AK9: variants seen among roughly 807,000 people sequenced by gnomAD.
AK9 encodes adenylate kinase 9, also known as adenylate kinase domain containing 1.
AK9 carries 191 observed loss-of-function variants against 239.6 expected under a neutral mutation model. The ratio of observed to expected loss-of-function variants is 0.80; its 90% CI spans 0.71 to 0.90. The LOEUF is 0.90. AK9 is among the 40% of genes least tolerant of loss of function. The pLI, the probability that AK9 is intolerant of heterozygous loss-of-function variation, is 0.00. For synonymous variants in AK9, 689 were observed against 721.0 expected, an observed-to-expected ratio of 0.96 and a Z score of 0.71; for missense variants, 1,995 against 2,214.7, an observed-to-expected ratio of 0.90 and a Z score of 1.99.
intron 19 of AK9, among the ~76,000 whole-genome samples, chr6:109,580,443 C>T (rs1788684733): frequency 6.6e-6 from 1 of 151,996 alleles, no homozygotes; most frequent in Admixed American, 6.6e-5. Flanking sequence ...TACTACTGCA[C>T]AAAGAAACAC....
intron 32 of AK9, among the ~76,000 whole-genome samples, chr6:109,512,377 TG>T (rs1486370849): frequency 6.6e-6 from 1 of 152,172 alleles, no homozygotes; most frequent in African/African-American, 2.4e-5. Context: ...CCAGAAACCC[TG>T]GGGGCTGCTG....
intron 26 of AK9, among the ~76,000 whole-genome samples, chr6:109,544,835 T>G (rs1172637003): frequency 6.6e-6 from 1 of 152,234 alleles, no homozygotes; most frequent in East Asian, 1.9e-4. Context: ...CAGATTTTTA[T>G]GCTATTTGAT....
chr6:109,689,399 A>C (rs1583600184), intron 1 of AK9, among the ~76,000 whole-genome samples: 1 of 152,180 alleles, frequency 6.6e-6, no homozygotes, highest in Admixed American at 6.5e-5. Flanking sequence ...AAATGTTAGC[A>C]TGTGCGACTT....
intron 25 of AK9, among the ~76,000 whole-genome samples, chr6:109,549,358 T>C (rs146055847): frequency 2.6e-5 from 4 of 152,274 alleles, no homozygotes; most frequent in African/African-American, 4.8e-5. Flanking sequence ...CTTACTTCCA[T>C]AGATGTCAAC....
intron 12 of AK9, among the ~76,000 whole-genome samples, chr6:109,628,524 A>T (rs566934439): frequency 6.6e-6 from 1 of 152,304 alleles, no homozygotes; most frequent in South Asian, 2.1e-4. Flanking sequence ...TCACGTTAGG[A>T]GGGTTAGTTC....
At chr6:109,648,395 A>G (rs991974389) in intron 8 of AK9, among the ~76,000 whole-genome samples, 1 of 152,186 alleles carries the variant, frequency 6.6e-6, no homozygotes. Flanking sequence ...ACAATAAAAA[A>G]TGATAAAGGG....
intron 35 of AK9, among the ~76,000 whole-genome samples, chr6:109,506,083 C>T (rs1352990059): frequency 1.3e-5 from 2 of 152,142 alleles, no homozygotes; most frequent in African/African-American, 2.4e-5. Context: ...AAGGCCCCAC[C>T]TCTTAATACT....
intron 17 of AK9, among the ~76,000 whole-genome samples, chr6:109,593,478 G>T (rs553316689): frequency 2.6e-5 from 4 of 151,834 alleles, no homozygotes; most frequent in African/African-American, 9.7e-5. Context: ...TATTCCAAAC[G>T]ACAGAAAAAG....
intron 1 of AK9, among the ~76,000 whole-genome samples, chr6:109,683,865 C>A (rs7743159): frequency 3.3e-5 from 5 of 152,102 alleles, no homozygotes; most frequent in Admixed American, 6.5e-5. Flanking sequence ...ATCAAGCTAC[C>A]ACTGACTTTC....
At chr6:109,550,946 G>A (rs1034511266) in intron 24 of AK9, among the ~76,000 whole-genome samples, 2 of 151,724 alleles carry the variant, frequency 1.3e-5, no homozygotes, top group South Asian at 2.1e-4. Flanking sequence ...TATAAAAAGT[G>A]AAAATCTCTT....
At chr6:109,494,919 T>C (rs1340054959) in intron 39 of AK9, among the ~76,000 whole-genome samples, 6 of 152,224 alleles carry the variant, frequency 3.9e-5, no homozygotes, top group Admixed American at 3.3e-4. Flanking sequence ...TTTATCTGGA[T>C]GTGGGGCAAA....
intron 18 of AK9, 56 bp downstream of exon 18, chr6:109,585,860 A>G: frequency 1.3e-6 from 2 of 1,483,514 alleles, no homozygotes; most frequent in East Asian, 2.5e-5. Flanking sequence ...ATATTTAACC[A>G]AAAATATCAA....
At chr6:109,659,715 A>G (rs1800175368) in intron 6 of AK9, among the ~76,000 whole-genome samples, 1 of 152,218 alleles carries the variant, frequency 6.6e-6, no homozygotes, top group African/African-American at 2.4e-5. Flanking sequence ...GGAATAGAAA[A>G]TCAGTTAACT....
At chr6:109,496,895 C>A (rs1295799335) in intron 38 of AK9, among the ~76,000 whole-genome samples, 3 of 152,090 alleles carry the variant, frequency 2.0e-5, no homozygotes, top group Non-Finnish European at 4.4e-5. Context: ...GCTCAGATTG[C>A]CCTCAGGATC....
chr6:109,664,456 G>C (rs1296526829), intron 5 of AK9, among the ~76,000 whole-genome samples: 1 of 151,920 alleles, frequency 6.6e-6, no homozygotes, highest in Admixed American at 6.6e-5. Flanking sequence ...ACAGAATCTT[G>C]TTCTGTCACC....
chr6:109,509,708 C>G (rs1013761560), intron 32 of AK9, among the ~76,000 whole-genome samples: 27 of 152,050 alleles, frequency 1.8e-4, no homozygotes, highest in African/African-American at 6.5e-4. Flanking sequence ...AAGACCTGCC[C>G]TCTTGGGTGT....
At chr6:109,583,499 G>GT (rs1265999564) in intron 19 of AK9, among the ~76,000 whole-genome samples, 37 of 152,020 alleles carry the variant, frequency 2.4e-4, no homozygotes, top group Admixed American at 2.4e-3. Context: ...GTGTCTGACA[G>GT]TTTTTTAAAA....
chr6:109,580,694 G>A (rs777964344), intron 19 of AK9, among the ~76,000 whole-genome samples: 7 of 152,086 alleles, frequency 4.6e-5, no homozygotes, highest in Admixed American at 6.6e-5. Flanking sequence ...GTTAATGGAG[G>A]ACATTCTCTC....
chr6:109,594,198 C>T (rs1583165907), intron 17 of AK9, among the ~76,000 whole-genome samples: 2 of 152,206 alleles, frequency 1.3e-5, no homozygotes, highest in South Asian at 2.1e-4. Flanking sequence ...GTGCAAAAAT[C>T]GAAAGCATTC....
Sources: allele counts gnomAD v4.1 joint callset (sites outside exome capture counted in the v4.1 genomes callset), GRCh38; gene constraint gnomAD v4.1.1; transcripts MANE v1.5; gene names NCBI Gene and HGNC (gene_info 2026-07-23, HGNC 2026-07-21).